The following GNA12 variants were observed in gnomAD, a reference collection of about 807,000 sequenced individuals.
GNA12 encodes the protein G protein subunit alpha 12.
GNA12 carries 9 observed loss-of-function variants against 26.0 expected under a neutral mutation model. That is an observed-to-expected ratio of 0.35 (90% CI 0.21 to 0.60). The LOEUF (loss-of-function observed/expected upper bound fraction) is 0.60, where lower values mean the gene tolerates loss of function less well. GNA12 is among the 20% of genes least tolerant of loss of function. GNA12 has a pLI of 0.78. For missense variants in GNA12, 405 were observed against 525.8 expected, an observed-to-expected ratio of 0.77 and a Z score of 2.25; for synonymous variants, 264 against 219.6, an observed-to-expected ratio of 1.20 and a Z score of -1.79.
intron 2 of GNA12, among the ~76,000 whole-genome samples, chr7:2,742,215 T>A (rs950660765): frequency 2.6e-5 from 4 of 151,686 alleles, no homozygotes; most frequent in Non-Finnish European, 4.4e-5. Flanking sequence ...ACAGACAGGG[T>A]TTTGCCCCAT....
At chr7:2,746,781 TA>T in intron 2 of GNA12, among the ~76,000 whole-genome samples, 1 of 151,444 alleles carries the variant, frequency 6.6e-6, no homozygotes, top group South Asian at 2.1e-4. Flanking sequence ...GCAAGACTAA[TA>T]AAGAAGAAAA....
At chr7:2,742,024 A>AT (rs1790532119) in intron 2 of GNA12, among the ~76,000 whole-genome samples, 1 of 151,090 alleles carries the variant, frequency 6.6e-6, no homozygotes, top group African/African-American at 2.4e-5. Context: ...GAATTTTTTT[A>AT]TTTTTTTATT....
Position 2,837,228 on chromosome 7 carries a change from G to T in GNA12, c.309+6625C>A, listed in dbSNP as rs200590142. Among the ~76,000 whole-genome samples, 3 of 152,232 alleles carry T rather than the reference G, an allele frequency of 2.0e-5. No individual in the cohort carries two copies. In the East Asian group the frequency reaches 5.8e-4, roughly 29 times the overall value. On this transcript the variant is annotated intron_variant, in intron 1 of 3. Transcript: ENST00000275364. ...GAGGGGATGGGAGGGTGGGAGGGGG[G>T]AAGGCTGGATTAGCTGTCGCTTTGC...
chr7:2,834,499 T>C (rs1280600366), intron 1 of GNA12, among the ~76,000 whole-genome samples: 1 of 152,248 alleles, frequency 6.6e-6, no homozygotes, highest in Non-Finnish European at 1.5e-5. Context: ...ATGCACTGAA[T>C]ATCCCTTCTG....
rs1044044662 is a variant in GNA12, at chr7:2,841,474, G to C, written c.309+2379C>G. Reference sequence around the variant, plus strand: ...AGAGAAGTTACAGGGCAGGCCCTGAGACAGCCAAATGCACTTGAACACAGA... The same window carrying C: ...AGAGAAGTTACAGGGCAGGCCCTGACACAGCCAAATGCACTTGAACACAGA... On this transcript the variant is annotated intron_variant, in intron 1 of 3. Coordinates refer to ENST00000275364, the MANE Select transcript of GNA12 (RefSeq NM_007353.3). Among the ~76,000 whole-genome samples the C allele has an allele frequency of 3.3e-5, 5 of 152,178 alleles. No individual in the cohort carries two copies. The East Asian group carries it at 9.6e-4, about 29-fold the overall frequency.
intron 2 of GNA12, among the ~76,000 whole-genome samples, chr7:2,757,651 T>G (rs927117978): frequency 1.3e-5 from 2 of 152,226 alleles, no homozygotes; most frequent in African/African-American, 4.8e-5. Flanking sequence ...TCATTACATC[T>G]GTGCCGTTTT....
chr7:2,768,567 C>A (rs2115417040), intron 2 of GNA12, among the ~76,000 whole-genome samples: 1 of 151,608 alleles, frequency 6.6e-6, no homozygotes, highest in Non-Finnish European at 1.5e-5. Flanking sequence ...AAACCTAATG[C>A]TAATAAGTTT....
chr7:2,831,607 G>A lies in GNA12; in HGVS notation c.309+12246C>T, dbSNP rs915472941. On this transcript the variant is annotated intron_variant, in intron 1 of 3. Transcript: ENST00000275364. ...TTTAGTAGAGACGGGGTTTCACCGT[G>A]TTAGCCAGGATGGTCTCGATCTCCT... 5.3e-5 allele frequency among the ~76,000 whole-genome samples: 8 copies of A among 151,920 alleles called. No individual in the cohort carries two copies. In the East Asian group the frequency reaches 1.2e-3, roughly 22 times the overall value.
At chr7:2,759,001 G>A (rs1011061285) in intron 2 of GNA12, among the ~76,000 whole-genome samples, 4 of 151,168 alleles carry the variant, frequency 2.6e-5, no homozygotes, top group East Asian at 3.9e-4. Flanking sequence ...CTAGCGGGGC[G>A]TGGTGGTGGG....
At position 2,742,917 on chromosome 7, in the gene GNA12, A is replaced by C. The variant is rs187469169; in HGVS notation, c.526-9416T>G. On this transcript the variant is annotated intron_variant, in intron 2 of 3. Coordinates refer to ENST00000275364, the MANE Select transcript of GNA12 (RefSeq NM_007353.3). ...CCTGCTAAGCTCTGTATTCATTCTA[A>C]TAATAGACCTGTAGGTTCTTCTCAA... Among the ~76,000 whole-genome samples, 358 of 152,342 alleles carry C rather than the reference A, an allele frequency of 2.3e-3. 3 individuals are homozygous for C. Among genetic ancestry groups the C allele is most frequent in the Admixed American group, 0.012 (188 of 15,300 alleles).
At chr7:2,787,208 G>T (rs886769775) in intron 2 of GNA12, among the ~76,000 whole-genome samples, 4 of 152,146 alleles carry the variant, frequency 2.6e-5, no homozygotes, top group Non-Finnish European at 5.9e-5. Context: ...CCCGGTTCTA[G>T]GGTGTCTGGA....
chr7:2,787,681 G>A (rs1243213616), intron 2 of GNA12, among the ~76,000 whole-genome samples: 2 of 152,244 alleles, frequency 1.3e-5, no homozygotes, highest in East Asian at 1.9e-4. Context: ...CACGCTGACT[G>A]CTCAGATTCT....
intron 2 of GNA12, among the ~76,000 whole-genome samples, chr7:2,764,448 G>A (rs1456001667): frequency 3.3e-5 from 5 of 152,098 alleles, no homozygotes; most frequent in African/African-American, 4.8e-5. Flanking sequence ...TTGAGATTCC[G>A]TATGAAGTCT....
intron 1 of GNA12, among the ~76,000 whole-genome samples, chr7:2,837,636 T>G (rs905123187): frequency 3.9e-5 from 6 of 152,170 alleles, no homozygotes; most frequent in Non-Finnish European, 8.8e-5. Context: ...CAAACGACAG[T>G]AGATTTCTCT....
chr7:2,834,244 A>G (rs1332368872), intron 1 of GNA12, among the ~76,000 whole-genome samples: 1 of 152,238 alleles, frequency 6.6e-6, no homozygotes, highest in Non-Finnish European at 1.5e-5. Flanking sequence ...AGGCATTAAG[A>G]TGGTTCTCAT....
At chr7:2,823,256 C>T (rs532777642) in intron 1 of GNA12, among the ~76,000 whole-genome samples, 4 of 151,982 alleles carry the variant, frequency 2.6e-5, no homozygotes, top group Non-Finnish European at 5.9e-5. Flanking sequence ...CCCAAGGGAC[C>T]CCGCCTTCCC....
chr7:2,734,593 C>A (rs975879291), intron 2 of GNA12, among the ~76,000 whole-genome samples: 2 of 152,244 alleles, frequency 1.3e-5, no homozygotes, highest in African/African-American at 4.8e-5. Flanking sequence ...CGGCCAGCAC[C>A]TGCTCAGTCT....
chr7:2,811,561 T>G (rs957215050), intron 1 of GNA12, among the ~76,000 whole-genome samples: 4 of 152,196 alleles, frequency 2.6e-5, no homozygotes, highest in African/African-American at 9.7e-5. Flanking sequence ...TCTTAAAAAA[T>G]CATTTGAGAA....
chr7:2,775,677 A>G (rs763374217), intron 2 of GNA12, among the ~76,000 whole-genome samples: 33 of 152,212 alleles, frequency 2.2e-4, no homozygotes, highest in Non-Finnish European at 4.1e-4. Flanking sequence ...TTAGGAGAAG[A>G]TATCTGCCAT....
Sources: gnomAD v4.1 joint callset for allele counts (sites outside exome capture counted in the v4.1 genomes callset) on GRCh38, gnomAD v4.1.1 for gene constraint, MANE v1.5 for transcripts, NCBI Gene and HGNC (gene_info 2026-07-23, HGNC 2026-07-21) for gene names.